The following IL4R variants were observed in gnomAD, a reference collection of about 807,000 sequenced individuals.
The protein encoded by IL4R is interleukin 4 receptor.
In IL4R, 17 loss-of-function variants were observed where a neutral mutation model predicts 41.5. The ratio of observed to expected loss-of-function variants is 0.41; its 90% CI spans 0.28 to 0.61. The LOEUF is 0.61. IL4R is among the 20% of genes least tolerant of loss of function. IL4R has a pLI of 0.31. For synonymous variants in IL4R, 402 were observed against 422.9 expected, an observed-to-expected ratio of 0.95 and a Z score of 0.61; for missense variants, 974 against 1,043.1, an observed-to-expected ratio of 0.93 and a Z score of 0.91.
chr16:27,360,851 T>C (rs2086257627), intron 10 of IL4R, 36 bp downstream of exon 10: 2 of 1,614,096 alleles, frequency 1.2e-6, no homozygotes, highest in East Asian at 2.2e-5. Context: ...CCTGCATGCA[T>C]TGGGAAGGTG....
At chr16:27,320,434 G>T (rs1197336854) in intron 1 of IL4R, among the ~76,000 whole-genome samples, 1 of 152,160 alleles carries the variant, frequency 6.6e-6, no homozygotes, top group Non-Finnish European at 1.5e-5. Flanking sequence ...TCCACATCAC[G>T]CTCTGTGCTG....
At chr16:27,351,276 G>A (rs2085860725) in intron 6 of IL4R, among the ~76,000 whole-genome samples, 1 of 152,124 alleles carries the variant, frequency 6.6e-6, no homozygotes, top group Non-Finnish European at 1.5e-5. Flanking sequence ...AAGCCATCAA[G>A]GCAGAGAGAC....
chr16:27,359,904 G>A (rs2086220960), intron 9 of IL4R: 2 of 444,284 alleles, frequency 4.5e-6, no homozygotes, highest in Middle Eastern at 4.8e-4. Context: ...GGCATTTGGG[G>A]CTGGGCTCAG....
intron 2 of IL4R, among the ~76,000 whole-genome samples, chr16:27,332,620 C>A (rs894818383): frequency 6.6e-6 from 1 of 151,914 alleles, no homozygotes; most frequent in Non-Finnish European, 1.5e-5. Context: ...TTTCGAAGAA[C>A]CAATTTTTGA....
At chr16:27,329,463 G>T (rs2085053180) in intron 1 of IL4R, among the ~76,000 whole-genome samples, 1 of 151,942 alleles carries the variant, frequency 6.6e-6, no homozygotes, top group Non-Finnish European at 1.5e-5. Context: ...ATCACTTGAG[G>T]TCAGGAGTTT....
In IL4R at chr16:27,362,551, A is replaced by C. The variant is rs1805011; in HGVS notation, c.1199A>C (p.Glu400Ala). 0.13 allele frequency: 213,837 copies of C among 1,613,858 alleles called. 21,456 individuals are homozygous for C. Among genetic ancestry groups the C allele is most frequent in the African/African-American group, 0.54 (40,476 of 74,840 alleles). Reference sequence around the variant, plus strand: ...AGGGATGACTTCCAGGAGGGAAGGGAGGGCATTGTGGCCCGGCTAACAGAG... The same window carrying C: ...AGGGATGACTTCCAGGAGGGAAGGGCGGGCATTGTGGCCCGGCTAACAGAG... ...SSRDDFQEGREGIVARLTESL... is the reference protein window; with the variant it reads ...SSRDDFQEGRAGIVARLTESL... Residue 400 changes from glutamate (E) to alanine (A), a missense_variant, in exon 11 of 11, where the codon GAG becomes GCG. By Grantham distance (107) the Glu-to-Ala change is moderately radical. Around this residue, in one of 3 missense-constraint regions of IL4R, gnomAD observed 682 missense variants for 704.3 expected, o/e 0.97. Transcript: ENST00000395762.
chr16:27,321,112 T>A (rs924640390), intron 1 of IL4R, among the ~76,000 whole-genome samples: 2 of 151,856 alleles, frequency 1.3e-5, no homozygotes, highest in Non-Finnish European at 1.5e-5. Context: ...CCTGGCTAAT[T>A]TTTGTATTTT....
chr16:27,323,014 A>C (rs1049985536), intron 1 of IL4R, among the ~76,000 whole-genome samples: 1 of 151,998 alleles, frequency 6.6e-6, no homozygotes, highest in African/African-American at 2.4e-5. Context: ...CCTGCCCACA[A>C]AGGTGGCCCC....
rs1370080035 is a variant in IL4R at position 27,352,633 on chromosome 16, G to T, written c.607G>T (p.Ala203Ser). 6.2e-7 allele frequency: 1 copy of T among 1,614,066 alleles called. No homozygotes were observed. ...GATTTCCTACAGGGCACGGGTGAGGGCCTGGGCTCAGTGCTATAACACCAC... is the reference window on the plus strand; with the variant it reads ...GATTTCCTACAGGGCACGGGTGAGGTCCTGGGCTCAGTGCTATAACACCAC... ...SGISYRARVR[A>S]WAQCYNTTWS... The change falls in exon 7 of 11, where the codon GCC becomes TCC. Residue 203 changes from alanine (A) to serine (S), a missense_variant. Transcript: ENST00000395762.
At chr16:27,352,102 G>A (rs897918901) in intron 6 of IL4R, among the ~76,000 whole-genome samples, 3 of 152,146 alleles carry the variant, frequency 2.0e-5, no homozygotes, top group Non-Finnish European at 4.4e-5. Context: ...AAATACTTAC[G>A]TATATTAACC....
intron 6 of IL4R, among the ~76,000 whole-genome samples, chr16:27,348,854 A>C (rs1279857311): frequency 1.3e-5 from 2 of 152,200 alleles, no homozygotes; most frequent in African/African-American, 4.8e-5. Flanking sequence ...AAACTGGGGA[A>C]GAGGAAGCAG....
Position 27,363,885 on chromosome 16 carries a change from C to A in IL4R, c.*55C>A. ...GATGAGGACTAGGGCTTATCCATGC[C>A]TGGGAAATGCCACCTCCTGGAAGGC... On this transcript the variant is annotated 3_prime_UTR_variant, in exon 11 of 11. Coordinates refer to ENST00000395762, the MANE Select transcript of IL4R (RefSeq NM_000418.4). 1 of 1,521,774 alleles carries A rather than the reference C, an allele frequency of 6.6e-7. No homozygotes were observed. The allele number at this position is 1,521,774 out of a possible 1,614,324, so 94.3% of individuals were successfully genotyped here. A position where few individuals can be genotyped will look rare whatever the true frequency, so the allele number is the denominator to read the frequency against.
intron 1 of IL4R, among the ~76,000 whole-genome samples, chr16:27,321,060 C>T (rs1375049731): frequency 6.6e-6 from 1 of 151,938 alleles, no homozygotes; most frequent in Non-Finnish European, 1.5e-5. Context: ...TCTCCTGCCT[C>T]AACCTCCCGA....
rs1429238553 is a variant in IL4R at position 27,362,807 on chromosome 16, A to C, written c.1455A>C (p.Thr485=). Residue 485 remains threonine (T), a synonymous_variant, in exon 11 of 11, where the codon ACA becomes ACC. Transcript: ENST00000395762. Reference sequence around the variant, plus strand: ...AGAGTCCAGACAACCTGACTTGCACAGAGACGCCCCTCGTCATCGCAGGCA... The same window carrying C: ...AGAGTCCAGACAACCTGACTTGCACCGAGACGCCCCTCGTCATCGCAGGCA... ...PTQSPDNLTC[T]ETPLVIAGNP... is the part of the protein sequence containing the mutation. The C allele has an allele frequency of 6.2e-7, 1 of 1,614,070 alleles. No homozygotes were observed. Among genetic ancestry groups the C allele is most frequent in the African/African-American group, 1.3e-5 (1 of 74,944 alleles).
chr16:27,354,098 C>T (rs1042241095), intron 7 of IL4R: 1 of 152,244 alleles, frequency 6.6e-6, no homozygotes, highest in African/African-American at 2.4e-5. Flanking sequence ...TACACATAGC[C>T]ACAAAGGAGG....
intron 3 of IL4R, chr16:27,341,911 A>G (rs2085453058): frequency 1.8e-6 from 1 of 556,688 alleles, no homozygotes; most frequent in Non-Finnish European, 3.2e-6. Context: ...TGGCCCCCGC[A>G]CCCATGGGTA....
At chr16:27,320,951 T>TC (rs1398857662) in intron 1 of IL4R, among the ~76,000 whole-genome samples, 2 of 150,930 alleles carry the variant, frequency 1.3e-5, no homozygotes, top group Non-Finnish European at 3.0e-5. Context: ...TTTCTTTCTT[T>TC]TTTTTTTTTT....
Position 27,362,655 on chromosome 16 carries a change from C to T in IL4R, c.1303C>T (p.Pro435Ser), listed in dbSNP as rs149886485. 1.0e-4 allele frequency: 165 copies of T among 1,614,106 alleles called. 1 individual carries two copies. The African/African-American group carries it at 1.7e-3, about 17-fold the overall frequency. Reference protein sequence around the residue: ...QDMGESCLLPPSGSTSAHMPW... With the variant: ...QDMGESCLLPSSGSTSAHMPW... ...CATGGGGGAGTCATGCCTTCTTCCACCTTCGGGAAGTACGAGTGCTCACAT... is the reference window on the plus strand; with the variant it reads ...CATGGGGGAGTCATGCCTTCTTCCATCTTCGGGAAGTACGAGTGCTCACAT... Residue 435 changes from proline (P) to serine (S), a missense_variant, in exon 11 of 11, where the codon CCT becomes TCT. Physicochemically the swap from Pro to Ser is moderately conservative, Grantham distance 74. Coordinates refer to ENST00000395762, the MANE Select transcript of IL4R (RefSeq NM_000418.4).
intron 9 of IL4R, 148 bp downstream of exon 9, chr16:27,359,142 G>A (rs528754092): frequency 4.9e-5 from 32 of 650,734 alleles, no homozygotes; most frequent in Middle Eastern, 4.2e-4. Context: ...GACAGAAGCC[G>A]AATGAGGTCA....
Sources: gnomAD v4.1 joint callset for allele counts (sites outside exome capture counted in the v4.1 genomes callset) on GRCh38, gnomAD v4.1.1 for gene constraint, gnomAD v4.1.1 regional missense constraint, MANE v1.5 for transcripts, NCBI Gene and HGNC (gene_info 2026-07-23, HGNC 2026-07-21) for gene names.